INTS3: variants seen among roughly 807,000 people sequenced by gnomAD.
The protein encoded by INTS3 is SOSS complex subunit A.
A neutral mutation model predicts 146.3 loss-of-function variants in INTS3; 34 were observed. The ratio of observed to expected loss-of-function variants is 0.23; its 90% CI spans 0.18 to 0.31. The LOEUF (loss-of-function observed/expected upper bound fraction) is 0.31, where lower values mean the gene tolerates loss of function less well. Among genes scored for constraint, INTS3 ranks in the 10% least tolerant of loss-of-function variants. The pLI, the probability that INTS3 is intolerant of heterozygous loss-of-function variation, is 1.00. For synonymous variants in INTS3, 475 were observed against 494.9 expected (o/e 0.96, Z 0.53); for missense variants, 757 against 1,304.2 (o/e 0.58, Z 6.46).
chr1:153,739,759 GC>G (rs989988785), intron 1 of INTS3, among the ~76,000 whole-genome samples: 5 of 151,992 alleles, frequency 3.3e-5, no homozygotes, highest in African/African-American at 1.2e-4. Context: ...GTGAGCCACT[GC>G]ATCTGGCCTA....
intron 11 of INTS3, 58 bp from the exon 12 acceptor site, chr1:153,760,253 A>AAG: frequency 9.4e-7 from 1 of 1,058,724 alleles, no homozygotes; most frequent in Non-Finnish European, 1.4e-6. Flanking sequence ...AAAAAAAAAA[A>AAG]AAAAAGAGAG....
At chr1:153,751,037 T>C in intron 6 of INTS3, 58 bp from the exon 7 acceptor site, 2 of 1,551,496 alleles carry the variant, frequency 1.3e-6, no homozygotes, top group Non-Finnish European at 1.8e-6. Flanking sequence ...GAAGCGTGAA[T>C]TGGGAGGGTG....
chr1:153,771,907 C>A lies in INTS3; in HGVS notation c.2664C>A (p.Ala888=). The change falls in exon 26 of 30, where the codon GCC becomes GCA. Residue 888 remains alanine, a synonymous_variant. Coordinates refer to ENST00000318967, the MANE Select transcript of INTS3 (RefSeq NM_023015.5). ...GCATGAAACATGACGAGCTGCTGGCCGAGCACATCAAGTCCCTGCTCATCA... is the reference window on the plus strand; with the variant it reads ...GCATGAAACATGACGAGCTGCTGGCAGAGCACATCAAGTCCCTGCTCATCA... ...HWCMKHDELL[A]EHIKSLLIKN... 3.1e-6 allele frequency: 5 copies of A among 1,614,082 alleles called. No homozygotes were observed. The highest frequency in any genetic ancestry group is 4.2e-6 in the Non-Finnish European group (5 of 1,180,002).
chr1:153,770,359 T>C, intron 24 of INTS3, 48 bp downstream of exon 24: 3 of 1,171,128 alleles, frequency 2.6e-6, no homozygotes, highest in Non-Finnish European at 2.6e-6. Context: ...ACACTTCCTA[T>C]ACAGTTAGGG....
intron 8 of INTS3, 110 bp downstream of exon 8, chr1:153,752,518 GA>G (rs1671997575): frequency 5.2e-6 from 6 of 1,142,876 alleles, no homozygotes; most frequent in Non-Finnish European, 7.4e-6. Flanking sequence ...TTGGTGGTCA[GA>G]TTTAGGAAGC....
In INTS3 at chr1:153,771,753, G is replaced by A. The variant is rs368339439; in HGVS notation, c.2553-43G>A. The A allele has an allele frequency of 6.1e-5, 96 of 1,574,840 alleles. 1 individual carries two copies. In the East Asian group the frequency reaches 8.1e-4, roughly 13 times the overall value. ...GTGGGAGAGACCCAGCATGCCCTGC[G>A]GCCACTGTGCAAGCAGCACCCAGTG... On this transcript the variant is annotated intron_variant, in intron 25 of 29. Transcript: ENST00000318967.
At chr1:153,750,796 C>A in intron 6 of INTS3, 1 of 408,936 alleles carries the variant, frequency 2.4e-6, no homozygotes, top group Admixed American at 4.1e-5. Flanking sequence ...AATGAGTCAA[C>A]AAAGAGAGTT....
chr1:153,762,716 T>C lies in INTS3; in HGVS notation c.1517-12T>C, dbSNP rs1340407686. 4 of 1,614,048 alleles carry C rather than the reference T, an allele frequency of 2.5e-6. No homozygotes were observed. Among genetic ancestry groups the C allele is most frequent in the Non-Finnish European group, 3.4e-6 (4 of 1,180,018 alleles). On this transcript the variant is annotated splice_polypyrimidine_tract_variant and intron_variant, in intron 14 of 29. Coordinates refer to ENST00000318967, the MANE Select transcript of INTS3 (RefSeq NM_023015.5). ...GAGGCCATTAAATGCCTTATCTTTTTTTACTCCCAAGTCAAAATTGAGGAG... is the reference window on the plus strand; with the variant it reads ...GAGGCCATTAAATGCCTTATCTTTTCTTACTCCCAAGTCAAAATTGAGGAG...
In INTS3 at chr1:153,768,900, A is replaced by C. The variant is rs1318288586; in HGVS notation, c.2252A>C (p.Asp751Ala). The C allele has an allele frequency of 2.5e-6, 4 of 1,613,776 alleles. No homozygotes were observed. The highest frequency in any genetic ancestry group is 3.4e-6 in the Non-Finnish European group (4 of 1,179,760). ...CTCTCTTTTTCCATTTAGTTTCCAG[A>C]TGAAACCTTGAGGAGCGGAGAGCTG... ...LTPSIYTEFP[D>A]ETLRSGELLN... The change falls in exon 22 of 30, where the codon GAT becomes GCT. Residue 751 changes from aspartate to alanine, a missense_variant. By Grantham distance (126) the Asp-to-Ala change is moderately radical. Around this residue, in one of 8 missense-constraint regions of INTS3, gnomAD observed 116 missense variants for 226.5 expected, o/e 0.51. Transcript: ENST00000318967.
chr1:153,771,045 CA>C (rs1455766831), intron 25 of INTS3, among the ~76,000 whole-genome samples: 20 of 152,200 alleles, frequency 1.3e-4, no homozygotes, highest in East Asian at 7.8e-4. Context: ...GCGCCCCCCC[CA>C]CCGCCCCATG....
At chr1:153,752,166 A>T in intron 7 of INTS3, 113 bp from the exon 8 acceptor site, 2 of 1,042,252 alleles carry the variant, frequency 1.9e-6, no homozygotes, top group South Asian at 1.3e-5. Context: ...AGTTTCTTCA[A>T]CCCTCTTTCC....
At chr1:153,769,447 C>A (rs950435483) in intron 22 of INTS3, among the ~76,000 whole-genome samples, 3 of 152,142 alleles carry the variant, frequency 2.0e-5, no homozygotes, top group African/African-American at 7.2e-5. Flanking sequence ...AATCCTCCTT[C>A]CTTTGTCTTT....
At position 153,746,975 on chromosome 1, in the gene INTS3, C is replaced by A. The variant is rs747771840; in HGVS notation, c.337C>A (p.Leu113Met). Residue 113 changes from leucine to methionine, a missense_variant, in exon 4 of 30, where the codon CTG (leucine) becomes ATG (methionine). By Grantham distance (15) the Leu-to-Met change is conservative. Around this residue, in one of 8 missense-constraint regions of INTS3, gnomAD observed 160 missense variants for 193.7 expected, o/e 0.83. Coordinates refer to ENST00000318967, the MANE Select transcript of INTS3 (RefSeq NM_023015.5). ...QAQKCYRDLA[L>M]VSRDGMNIVL... is the part of the protein sequence containing the mutation. Reference sequence around the variant, plus strand: ...CTCACAGTGTTACCGGGACTTAGCTCTGGTGAGTCGTGATGGCATGAATAT... The same window carrying A: ...CTCACAGTGTTACCGGGACTTAGCTATGGTGAGTCGTGATGGCATGAATAT... The A allele has an allele frequency of 1.2e-6, 2 of 1,613,370 alleles. No homozygotes were observed.
At position 153,762,767 on chromosome 1, in the gene INTS3, A is replaced by G. The variant is rs374522340; in HGVS notation, c.1556A>G (p.His519Arg). 1.7e-5 allele frequency: 27 copies of G among 1,614,086 alleles called. No homozygotes were observed. Among genetic ancestry groups the G allele is most frequent in the Middle Eastern group, 1.6e-4 (1 of 6,084 alleles). Residue 519 changes from histidine to arginine, a missense_variant, in exon 15 of 30, where the codon CAT (histidine) becomes CGT (arginine). Coordinates refer to ENST00000318967, the MANE Select transcript of INTS3 (RefSeq NM_023015.5). ...CCAGTTTCCATGGAGATGGACAACC[A>G]TATGTCGGATAAGGATGAGAGTTGC... ...EEPVSMEMDN[H>R]MSDKDESCYD... is the part of the protein sequence containing the mutation.
At position 153,769,100 on chromosome 1, in the gene INTS3, C is replaced by T; in HGVS notation, c.2313+139C>T. ...TCCCTCCTGGCTACAGTGGTGTGCG[C>T]TTTCAGCCATGGGGCCTGGGAAGGA... On this transcript the variant is annotated intron_variant, in intron 22 of 29. Coordinates refer to ENST00000318967, the MANE Select transcript of INTS3 (RefSeq NM_023015.5). 4.3e-6 allele frequency: 3 copies of T among 694,534 alleles called. No individual in the cohort carries two copies. The South Asian group carries it at 5.1e-5, about 12-fold the overall frequency. The allele number at this position is 694,534 out of a possible 1,614,324, so 43.0% of individuals were successfully genotyped here. A position where few individuals can be genotyped will look rare whatever the true frequency, so the allele number is the denominator to read the frequency against.
At chr1:153,748,332 C>G (rs1472332637) in intron 5 of INTS3, 1 of 295,316 alleles carries the variant, frequency 3.4e-6, no homozygotes, top group Non-Finnish European at 6.6e-6. Flanking sequence ...TGTCAGCCAC[C>G]TGTACTTCTC....
intron 1 of INTS3, among the ~76,000 whole-genome samples, chr1:153,729,829 C>T (rs966921054): frequency 6.9e-6 from 1 of 144,886 alleles, no homozygotes; most frequent in Middle Eastern, 3.6e-3. Context: ...TGCGCCACTG[C>T]ACTCCAGCCT....
chr1:153,772,057 G>A lies in INTS3; in HGVS notation c.2720+94G>A. ...TGGTGGTGGTGGTGGTGGTGATGGG[G>A]GTCAGTGCTGTCCCAGCCTGGTTTG... On this transcript the variant is annotated intron_variant, in intron 26 of 29. Coordinates refer to ENST00000318967, the MANE Select transcript of INTS3 (RefSeq NM_023015.5). The surrounding 1 kb of genome is among the most constrained non-coding windows in gnomAD (Gnocchi z 4.6). 2 of 1,316,660 alleles carry A rather than the reference G, an allele frequency of 1.5e-6. No homozygotes were observed. The highest frequency in any genetic ancestry group is 2.1e-6 in the Non-Finnish European group (2 of 960,216). The allele number at this position is 1,316,660 out of a possible 1,614,324, so 81.6% of individuals were successfully genotyped here.
chr1:153,752,430 C>A, intron 8 of INTS3, 22 bp downstream of exon 8: 2 of 1,596,288 alleles, frequency 1.3e-6, no homozygotes, highest in Non-Finnish European at 1.7e-6. Flanking sequence ...CTTAGGCATC[C>A]TGTCCTTGAG....
Sources: gnomAD v4.1 joint callset for allele counts (sites outside exome capture counted in the v4.1 genomes callset) on GRCh38, gnomAD v4.1.1 for gene constraint, gnomAD v4.1.1 regional missense constraint, Gnocchi (gnomAD v3.1) non-coding constraint, MANE v1.5 for transcripts, NCBI Gene and HGNC (gene_info 2026-07-23, HGNC 2026-07-21) for gene names.